The following GALNT13 variants were observed in gnomAD, a reference collection of about 807,000 sequenced individuals.
The protein encoded by GALNT13 is UDP-GalNAc:polypeptide N-acetylgalactosaminyltransferase 13.
Under a neutral mutation model 64.2 loss-of-function variants are expected in GALNT13, and 28 were observed. The ratio of observed to expected loss-of-function variants is 0.44; its 90% CI spans 0.32 to 0.60. The LOEUF (loss-of-function observed/expected upper bound fraction) is 0.60. Among genes scored for constraint, GALNT13 ranks in the 20% least tolerant of loss-of-function variants. GALNT13 has a pLI of 0.05. For synonymous variants in GALNT13, 214 were observed against 224.6 expected (o/e 0.95, Z 0.42); for missense variants, 577 against 669.8 (o/e 0.86, Z 1.53).
intron 8 of GALNT13, among the ~76,000 whole-genome samples, chr2:154,270,911 T>C (rs540944441): frequency 6.8e-4 from 104 of 151,998 alleles, no homozygotes; most frequent in Non-Finnish European, 1.3e-3. Flanking sequence ...ATCTTGAAGA[T>C]AGAGTATCAT....
chr2:153,201,764 C>T, the GALNT13 span: 1 of 152,152 alleles, frequency 6.6e-6, no homozygotes, highest in South Asian at 2.1e-4. Flanking sequence ...CAGGTGGGCA[C>T]TATTCACTAT....
the GALNT13 span, among the ~76,000 whole-genome samples, chr2:153,172,558 A>T: frequency 6.6e-6 from 1 of 152,074 alleles, no homozygotes; most frequent in Non-Finnish European, 1.5e-5. Context: ...AAGGTGGAGG[A>T]GAACAGGTCA....
At chr2:153,699,048 C>A in the GALNT13 span, among the ~76,000 whole-genome samples, 1 of 152,136 alleles carries the variant, frequency 6.6e-6, no homozygotes, top group South Asian at 2.1e-4. Context: ...CATGGTGAAA[C>A]CCCATCTCTA....
the GALNT13 span, among the ~76,000 whole-genome samples, chr2:153,091,395 T>G: frequency 2.6e-5 from 4 of 152,196 alleles, no homozygotes; most frequent in Non-Finnish European, 5.9e-5. Flanking sequence ...TGATCTGTAT[T>G]TTCAGATTCC....
intron 4 of GALNT13, among the ~76,000 whole-genome samples, chr2:154,162,480 T>C (rs1433563694): frequency 6.6e-6 from 1 of 152,090 alleles, no homozygotes; most frequent in Non-Finnish European, 1.5e-5. Context: ...GAGATGTACA[T>C]GAGATACACA....
At chr2:153,341,918 T>C in the GALNT13 span, among the ~76,000 whole-genome samples, 227 of 152,208 alleles carry the variant, frequency 1.5e-3, 1 homozygote, top group African/African-American at 5.3e-3. Flanking sequence ...GGGTCTCAGG[T>C]TGCAGGGCTC....
chr2:153,710,184 C>T, the GALNT13 span, among the ~76,000 whole-genome samples: 14 of 152,088 alleles, frequency 9.2e-5, no homozygotes, highest in Non-Finnish European at 1.5e-4. Context: ...ACATTAGTTA[C>T]GTTGATTTAA....
At chr2:154,100,085 A>G (rs768296898) in intron 3 of GALNT13, among the ~76,000 whole-genome samples, 3 of 152,174 alleles carry the variant, frequency 2.0e-5, no homozygotes, top group East Asian at 1.9e-4. Context: ...TTTTGTACCA[A>G]TACCATGCAG....
At chr2:153,492,411 A>C in the GALNT13 span, among the ~76,000 whole-genome samples, 1 of 152,216 alleles carries the variant, frequency 6.6e-6, no homozygotes, top group Non-Finnish European at 1.5e-5. Context: ...AAGTTTAGCA[A>C]ACCTATTGAA....
chr2:154,300,275 G>T (rs1037053020), intron 8 of GALNT13, among the ~76,000 whole-genome samples: 1 of 151,744 alleles, frequency 6.6e-6, no homozygotes, highest in Non-Finnish European at 1.5e-5. Flanking sequence ...GCTGATTTTT[G>T]TATTTTTAGT....
rs35557058 is a variant in GALNT13 at position 154,189,472 on chromosome 2, C to CAAAAA, written c.311+48985_311+48989dup. ...ACTTTCTCTCTTCTCACGTGCACACCAAAAAAAAAAAAAAAAAAAAAAGGC... is the reference window on the plus strand; with the variant it reads ...ACTTTCTCTCTTCTCACGTGCACACCAAAAAAAAAAAAAAAAAAAAAAAAAAAGGC... On this transcript the variant is annotated intron_variant, in intron 4 of 12. Coordinates refer to ENST00000392825, the MANE Select transcript of GALNT13 (RefSeq NM_052917.4). Among the ~76,000 whole-genome samples the CAAAAA allele has an allele frequency of 6.1e-5, 5 of 81,392 alleles. 1 individual carries two copies. The highest frequency in any genetic ancestry group is 3.5e-4 in the East Asian group (1 of 2,866). The allele number at this position is 81,392 out of a possible 152,430, so 53.4% of individuals were successfully genotyped here. A position where few individuals can be genotyped will look rare whatever the true frequency, so the allele number is the denominator to read the frequency against.
intron 4 of GALNT13, among the ~76,000 whole-genome samples, chr2:154,161,031 C>G (rs1021830105): frequency 6.6e-6 from 1 of 152,156 alleles, no homozygotes. Flanking sequence ...CCACATTTAT[C>G]TGTTACCGCA....
intron 4 of GALNT13, among the ~76,000 whole-genome samples, chr2:154,192,762 T>C (rs1686666014): frequency 6.6e-6 from 1 of 152,164 alleles, no homozygotes; most frequent in African/African-American, 2.4e-5. Flanking sequence ...GTTTTCAGAG[T>C]AAAAATCTAA....
At chr2:153,442,677 G>A in the GALNT13 span, among the ~76,000 whole-genome samples, 1 of 152,070 alleles carries the variant, frequency 6.6e-6, no homozygotes, top group Non-Finnish European at 1.5e-5. Flanking sequence ...TCTGTCCCAG[G>A]GAGATGGGAG....
the GALNT13 span, among the ~76,000 whole-genome samples, chr2:153,204,890 G>GA: frequency 1.3e-5 from 2 of 151,500 alleles, no homozygotes; most frequent in African/African-American, 2.4e-5. Context: ...CCAGTAAGGG[G>GA]AAAAAAAAGA....
At position 154,320,900 on chromosome 2, in the gene GALNT13, ATCT is replaced by A. The variant is rs1297919971; in HGVS notation, c.1156+19316_1156+19318del. ...TCCTAGGGACAGTAACATTGAAAAG[ATCT>A]TCTTTTCACCTTGTAGTAACTTTTC... On this transcript the variant is annotated intron_variant, in intron 9 of 12. Coordinates refer to ENST00000392825, the MANE Select transcript of GALNT13 (RefSeq NM_052917.4). 4.6e-5 allele frequency among the ~76,000 whole-genome samples: 7 copies of A among 152,202 alleles called. No individual in the cohort carries two copies. In the South Asian group the frequency reaches 1.2e-3, roughly 27 times the overall value.
chr2:153,936,591 A>G (rs1007281261), intron 2 of GALNT13, among the ~76,000 whole-genome samples: 1 of 152,128 alleles, frequency 6.6e-6, no homozygotes, highest in African/African-American at 2.4e-5. Context: ...AAATATTCTT[A>G]TTCCCGCCAT....
chr2:153,173,694 C>T, the GALNT13 span, among the ~76,000 whole-genome samples: 23 of 152,086 alleles, frequency 1.5e-4, no homozygotes, highest in Non-Finnish European at 3.2e-4. Context: ...TTAATACATT[C>T]ACCCCATCCC....
At chr2:153,530,458 A>G in the GALNT13 span, among the ~76,000 whole-genome samples, 1 of 152,176 alleles carries the variant, frequency 6.6e-6, no homozygotes, top group Admixed American at 6.5e-5. Flanking sequence ...AAAGCAATCT[A>G]CAGATTCAAT....
Sources: allele counts gnomAD v4.1 joint callset (sites outside exome capture counted in the v4.1 genomes callset), GRCh38; gene constraint gnomAD v4.1.1; transcripts MANE v1.5; gene names NCBI Gene and HGNC (gene_info 2026-07-23, HGNC 2026-07-21).